The following CUEDC1 variants were observed in gnomAD, a reference collection of about 807,000 sequenced individuals.
The protein encoded by CUEDC1 is CUE domain-containing protein 1.
In CUEDC1, 30 loss-of-function variants were observed where a neutral mutation model predicts 43.7. That is an observed-to-expected ratio of 0.69 (90% confidence interval 0.51 to 0.93). CUEDC1 has a LOEUF of 0.93. Ranked by LOEUF, CUEDC1 falls within the 40% of genes least tolerant of loss-of-function variation. CUEDC1 has a pLI of 0.00. For synonymous variants in CUEDC1, 223 were observed against 223.6 expected, an observed-to-expected ratio of 1.00 and a Z score of 0.02; for missense variants, 486 against 549.0, an observed-to-expected ratio of 0.89 and a Z score of 1.15.
intron 1 of CUEDC1, among the ~76,000 whole-genome samples, chr17:57,895,236 A>G (rs1322870050): frequency 1.3e-5 from 2 of 152,244 alleles, no homozygotes; most frequent in African/African-American, 4.8e-5. Context: ...CTAAGTGGCC[A>G]AGCTGAAATT....
chr17:57,896,767 CTTTTTTTTTT>C, intron 1 of CUEDC1, among the ~76,000 whole-genome samples: 1 of 112,248 alleles, frequency 8.9e-6, no homozygotes, highest in South Asian at 3.0e-4. Context: ...TTTCTTCTTT[CTTTTTTTTTT>C]TTTTTTTTTT....
intron 1 of CUEDC1, among the ~76,000 whole-genome samples, chr17:57,890,384 A>G (rs2074342255): frequency 6.6e-6 from 1 of 152,166 alleles, no homozygotes; most frequent in African/African-American, 2.4e-5. Context: ...GAGAAACCAT[A>G]CCACCTCTCA....
chr17:57,866,353 C>G (rs2073957553), intron 10 of CUEDC1, 121 bp downstream of exon 10: 1 of 765,138 alleles, frequency 1.3e-6, no homozygotes, highest in Non-Finnish European at 2.2e-6. Context: ...ACACGTGGGG[C>G]CTGTGCTACC....
chr17:57,899,965 A>T (rs950643317), intron 1 of CUEDC1, among the ~76,000 whole-genome samples: 1 of 152,146 alleles, frequency 6.6e-6, no homozygotes, highest in African/African-American at 2.4e-5. Context: ...TGCACCCAGA[A>T]TGGGTTTTAC....
intron 1 of CUEDC1, among the ~76,000 whole-genome samples, chr17:57,896,774 T>TC (rs2074415556): frequency 7.1e-6 from 1 of 140,830 alleles, no homozygotes; most frequent in South Asian, 2.4e-4. Context: ...TTTCTTTTTT[T>TC]TTTTTTTTTT....
intron 1 of CUEDC1, among the ~76,000 whole-genome samples, chr17:57,900,381 C>A (rs751392330): frequency 2.0e-5 from 3 of 152,202 alleles, no homozygotes; most frequent in Admixed American, 6.5e-5. Context: ...AAACAGCCTG[C>A]TGCATCCTAG....
chr17:57,890,047 A>C (rs2074338956), intron 1 of CUEDC1, among the ~76,000 whole-genome samples: 1 of 152,242 alleles, frequency 6.6e-6, no homozygotes, highest in Non-Finnish European at 1.5e-5. Context: ...TTTCACATTT[A>C]ATCTTTATTA....
chr17:57,896,767 C>CTTTTTTTTTTT (rs747788787), intron 1 of CUEDC1, among the ~76,000 whole-genome samples: 3 of 112,266 alleles, frequency 2.7e-5, no homozygotes, highest in Non-Finnish European at 5.5e-5. Context: ...TTTCTTCTTT[C>CTTTTTTTTTTT]TTTTTTTTTT....
chr17:57,904,671 C>T (rs192800851), intron 1 of CUEDC1, among the ~76,000 whole-genome samples: 2 of 152,248 alleles, frequency 1.3e-5, no homozygotes, highest in South Asian at 2.1e-4. Flanking sequence ...AACCTTGAGG[C>T]CTTCAAGGAA....
At chr17:57,886,944 G>A (rs1030456428) in intron 1 of CUEDC1, among the ~76,000 whole-genome samples, 10 of 148,344 alleles carry the variant, frequency 6.7e-5, no homozygotes, top group Admixed American at 1.4e-4. Context: ...TCAGCCTCCC[G>A]AGTAGCTGGG....
chr17:57,917,112 C>G (rs553041798), intron 1 of CUEDC1, among the ~76,000 whole-genome samples: 1 of 152,204 alleles, frequency 6.6e-6, no homozygotes, highest in Non-Finnish European at 1.5e-5. Context: ...GAAGAATGGG[C>G]GGCAACAGGT....
intron 9 of CUEDC1, 102 bp from the exon 10 acceptor site, chr17:57,866,646 C>A: frequency 7.7e-6 from 9 of 1,166,780 alleles, no homozygotes; most frequent in Non-Finnish European, 1.1e-5. Context: ...CTCTCTGCCC[C>A]CTTCATTTGG....
intron 3 of CUEDC1, among the ~76,000 whole-genome samples, chr17:57,874,798 C>T (rs1347391844): frequency 1.3e-5 from 2 of 148,300 alleles, no homozygotes; most frequent in Admixed American, 1.3e-4. Flanking sequence ...GGAGCTTTTC[C>T]GGGCTGCCGC....
intron 1 of CUEDC1, among the ~76,000 whole-genome samples, chr17:57,941,221 C>T (rs115141686): frequency 0.014 from 2,188 of 152,334 alleles, 51 homozygotes; most frequent in African/African-American, 0.05. Context: ...GGAATCATCT[C>T]CCTGTTTCAT....
chr17:57,919,914 G>A (rs1414092282), intron 1 of CUEDC1, among the ~76,000 whole-genome samples: 4 of 152,272 alleles, frequency 2.6e-5, no homozygotes, highest in African/African-American at 9.6e-5. Context: ...TGTTTGGCTT[G>A]GACAAATTGA....
intron 1 of CUEDC1, among the ~76,000 whole-genome samples, chr17:57,936,087 A>G (rs934680736): frequency 6.6e-6 from 1 of 152,232 alleles, no homozygotes; most frequent in East Asian, 1.9e-4. Flanking sequence ...AGGCCAGACC[A>G]GGAGTGGGGC....
intron 1 of CUEDC1, among the ~76,000 whole-genome samples, chr17:57,936,924 G>A (rs572453603): frequency 3.7e-4 from 56 of 151,734 alleles, no homozygotes; most frequent in African/African-American, 1.3e-3. Context: ...GGGTTCAAGC[G>A]ATTCTCCTGC....
chr17:57,925,478 GC>G (rs2074738010), intron 1 of CUEDC1, among the ~76,000 whole-genome samples: 3 of 151,944 alleles, frequency 2.0e-5, no homozygotes, highest in Non-Finnish European at 4.4e-5. Context: ...ATAACCAAAA[GC>G]CCATTAGCCC....
chr17:57,868,975 T>C (rs1163204576), intron 7 of CUEDC1, 147 bp downstream of exon 7: 2 of 763,272 alleles, frequency 2.6e-6, no homozygotes, highest in African/African-American at 3.5e-5. Context: ...GCAGGAAGGC[T>C]GAGGGAGCCA....
Sources: gnomAD v4.1 joint callset for allele counts (sites outside exome capture counted in the v4.1 genomes callset) on GRCh38, gnomAD v4.1.1 for gene constraint, MANE v1.5 for transcripts, NCBI Gene and HGNC (gene_info 2026-07-23, HGNC 2026-07-21) for gene names.